OPN5: variants seen among roughly 807,000 people sequenced by gnomAD.
OPN5 encodes the protein opsin-5.
In OPN5, 18 loss-of-function variants were observed where a neutral mutation model predicts 41.7. That is an observed-to-expected ratio of 0.43 (90% CI 0.30 to 0.64). The LOEUF (loss-of-function observed/expected upper bound fraction) is 0.64. Among genes scored for constraint, OPN5 ranks in the 30% least tolerant of loss-of-function variants. The probability of loss-of-function intolerance (pLI) is 0.13; values close to 1 mark genes in which losing one functional copy is unlikely to be tolerated. For missense variants in OPN5, 318 were observed against 434.5 expected (o/e 0.73, Z 2.38); for synonymous variants, 178 against 164.3 (o/e 1.08, Z -0.64).
intron 6 of OPN5, among the ~76,000 whole-genome samples, chr6:47,820,089 G>A (rs926251218): frequency 3.3e-5 from 5 of 151,774 alleles, no homozygotes; most frequent in Non-Finnish European, 7.4e-5. Flanking sequence ...ACACAACCAT[G>A]CCCACTTGTT....
chr6:47,796,039 C>A (rs540737972), intron 4 of OPN5, among the ~76,000 whole-genome samples: 24 of 152,264 alleles, frequency 1.6e-4, no homozygotes, highest in Non-Finnish European at 3.2e-4. Flanking sequence ...TGTGCTTTCC[C>A]ATGGGAAGCT....
intron 6 of OPN5, among the ~76,000 whole-genome samples, chr6:47,812,668 C>T (rs1437189555): frequency 1.3e-5 from 2 of 152,204 alleles, no homozygotes; most frequent in South Asian, 2.1e-4. Context: ...ATCTTTTCTC[C>T]TAATCTGATA....
chr6:47,815,233 G>T (rs506816), intron 6 of OPN5, among the ~76,000 whole-genome samples: 71,805 of 152,016 alleles, frequency 0.47, 17,549 homozygotes, highest in East Asian at 0.77. Context: ...ACCCCTGAAA[G>T]AATCAAGCAT....
At chr6:47,820,790 A>G (rs555630683) in intron 6 of OPN5, among the ~76,000 whole-genome samples, 2 of 152,286 alleles carry the variant, frequency 1.3e-5, no homozygotes, top group African/African-American at 4.8e-5. Flanking sequence ...ACCCTTGAAC[A>G]ATGTCGGGGT....
At chr6:47,798,808 A>T (rs763105585) in intron 4 of OPN5, among the ~76,000 whole-genome samples, 2 of 152,156 alleles carry the variant, frequency 1.3e-5, no homozygotes, top group African/African-American at 2.4e-5. Flanking sequence ...GAGTAAAAAT[A>T]AGTAGAAACT....
In OPN5 at chr6:47,789,219, T is replaced by G. The variant is rs570041217; in HGVS notation, c.251-2583T>G. On this transcript the variant is annotated intron_variant, in intron 2 of 6. Transcript: ENST00000371211. ...GCCTCTAATCCATTCCCTCCAGAAG[T>G]TTATTTGACTTCTTTCCCACTGATT... 2.0e-5 allele frequency among the ~76,000 whole-genome samples: 3 copies of G among 152,274 alleles called. No individual in the cohort carries two copies. In the South Asian group the frequency reaches 6.2e-4, roughly 32 times the overall value.
At chr6:47,824,330 C>G in exon 7 of OPN5, 1 of 361,226 alleles carries the variant, frequency 2.8e-6, no homozygotes, top group Non-Finnish European at 5.1e-6. Flanking sequence ...CCTGAAAAGC[C>G]TGATTCAAGG....
chr6:47,792,078 C>T (rs1773392450), intron 3 of OPN5, 106 bp downstream of exon 3: 1 of 741,032 alleles, frequency 1.3e-6, no homozygotes, highest in East Asian at 2.6e-5. Flanking sequence ...TGAATAACCT[C>T]AGAGATCAAG....
intron 4 of OPN5, 99 bp downstream of exon 4, chr6:47,795,662 C>G (rs1278550498): frequency 1.3e-6 from 1 of 795,456 alleles, no homozygotes; most frequent in African/African-American, 1.8e-5. Flanking sequence ...AACTTAGAAT[C>G]TCTATTCTTT....
chr6:47,823,972 C>A lies in OPN5; in HGVS notation c.1057-11C>A. 1 of 1,549,816 alleles carries A rather than the reference C, an allele frequency of 6.5e-7. No homozygotes were observed. ...GCCTCACCCTAAAACTCAATTTTTT[C>A]TTCTCTACAGTGGGAATAACAAATG... On this transcript the variant is annotated splice_polypyrimidine_tract_variant and intron_variant, in intron 6 of 6. Transcript: ENST00000371211.
At chr6:47,823,284 A>C (rs1048064742) in intron 6 of OPN5, 2 of 152,282 alleles carry the variant, frequency 1.3e-5, no homozygotes, top group East Asian at 3.8e-4. Flanking sequence ...TTAAGTTTTC[A>C]GGCATAGAAG....
At chr6:47,795,613 C>T in intron 4 of OPN5, 50 bp downstream of exon 4, 1 of 1,286,868 alleles carries the variant, frequency 7.8e-7, no homozygotes, top group South Asian at 1.3e-5. Context: ...CTTACAACTT[C>T]ATAGGGTACA....
At chr6:47,784,633 G>C (rs1345825268) in intron 1 of OPN5, among the ~76,000 whole-genome samples, 2 of 152,094 alleles carry the variant, frequency 1.3e-5, no homozygotes, top group Admixed American at 6.6e-5. Context: ...TAAGGAGCCA[G>C]AGTGGAATAA....
chr6:47,804,037 C>T (rs528165210), intron 4 of OPN5, among the ~76,000 whole-genome samples: 1 of 152,300 alleles, frequency 6.6e-6, no homozygotes, highest in Non-Finnish European at 1.5e-5. Context: ...TCGATTATTG[C>T]TTTAATTGGT....
chr6:47,788,602 A>G (rs1773265517), intron 2 of OPN5, among the ~76,000 whole-genome samples: 1 of 152,102 alleles, frequency 6.6e-6, no homozygotes, highest in Non-Finnish European at 1.5e-5. Context: ...TTCCCTTCCA[A>G]TAAACGTTAA....
At position 47,820,822 on chromosome 6, in the gene OPN5, T is replaced by C. The variant is rs542385205; in HGVS notation, c.1057-3161T>C. Among the ~76,000 whole-genome samples the C allele has an allele frequency of 5.9e-5, 9 of 152,332 alleles. No homozygotes were observed. In the South Asian group the frequency reaches 1.7e-3, roughly 28 times the overall value. On this transcript the variant is annotated intron_variant, in intron 6 of 6. Coordinates refer to ENST00000371211, the Ensembl canonical transcript of OPN5. ...GGGTTAAGGGCACTGATCAGCCATGTAGTTGAAAACCTGCCTATAACTTTG... is the reference window on the plus strand; with the variant it reads ...GGGTTAAGGGCACTGATCAGCCATGCAGTTGAAAACCTGCCTATAACTTTG...
intron 6 of OPN5, among the ~76,000 whole-genome samples, chr6:47,815,962 A>G (rs1762416883): frequency 2.0e-5 from 3 of 152,166 alleles, no homozygotes. Flanking sequence ...CCTTAGCCTG[A>G]CAAATATACC....
intron 1 of OPN5, among the ~76,000 whole-genome samples, chr6:47,784,588 G>A (rs1174732473): frequency 3.3e-5 from 5 of 152,000 alleles, no homozygotes; most frequent in East Asian, 1.9e-4. Context: ...GTGAGCCACC[G>A]CGCCTGGCCA....
intron 1 of OPN5, among the ~76,000 whole-genome samples, chr6:47,786,144 C>A (rs1773183833): frequency 6.6e-6 from 1 of 152,162 alleles, no homozygotes; most frequent in African/African-American, 2.4e-5. Flanking sequence ...GGGTTTAACC[C>A]TACTGATCAG....
Sources: allele counts gnomAD v4.1 joint callset (sites outside exome capture counted in the v4.1 genomes callset), GRCh38; gene constraint gnomAD v4.1.1; transcripts MANE v1.5; gene names NCBI Gene and HGNC (gene_info 2026-07-23, HGNC 2026-07-21).